Variants in CASD1 observed in about 807,000 individuals in gnomAD.
The protein encoded by CASD1 is N-acetylneuraminate (7)9-O-acetyltransferase.
CASD1 carries 41 observed loss-of-function variants against 100.0 expected under a neutral mutation model. The observed-to-expected ratio is 0.41, with a 90% confidence interval of 0.32 to 0.53. The LOEUF (loss-of-function observed/expected upper bound fraction) is 0.53, where lower values mean the gene tolerates loss of function less well. CASD1 is among the 20% of genes least tolerant of loss of function. The pLI is 0.25. For missense variants in CASD1, 774 were observed against 948.7 expected (o/e 0.82, Z 2.42); for synonymous variants, 321 against 315.6 (o/e 1.02, Z -0.18).
chr7:94,629,732 A>G, the CASD1 span: 1 of 1,611,192 alleles, frequency 6.2e-7, no homozygotes, highest in Non-Finnish European at 8.5e-7. Flanking sequence ...GTTTTGGGTA[A>G]GGTGGAAATT....
intron 3 of CASD1, chr7:94,524,278 A>C (rs1231012508): frequency 6.6e-6 from 1 of 152,156 alleles, no homozygotes; most frequent in Non-Finnish European, 1.5e-5. Context: ...AGATACCTTA[A>C]AGAAAAAAGA....
the CASD1 span, among the ~76,000 whole-genome samples, chr7:94,604,691 T>C: frequency 6.6e-6 from 1 of 150,958 alleles, no homozygotes; most frequent in Admixed American, 6.6e-5. Flanking sequence ...ACATATCCTG[T>C]CCTACCTAAG....
At chr7:94,579,588 C>A in the CASD1 span, among the ~76,000 whole-genome samples, 1 of 151,970 alleles carries the variant, frequency 6.6e-6, no homozygotes, top group Non-Finnish European at 1.5e-5. Context: ...TCAGACTTTC[C>A]CTGATCGTTA....
chr7:94,563,388 T>G, the CASD1 span, among the ~76,000 whole-genome samples: 10 of 152,310 alleles, frequency 6.6e-5, no homozygotes, highest in Non-Finnish European at 1.2e-4. Flanking sequence ...AACAATTTTT[T>G]GGTGGTTTGG....
chr7:94,553,061 A>G (rs6465417), intron 16 of CASD1: 195,720 of 340,694 alleles, frequency 0.57, 58,127 homozygotes, highest in South Asian at 0.72. Flanking sequence ...GCGTTGTACA[A>G]CTTATGCAAT....
chr7:94,555,993 T>G lies in CASD1; in HGVS notation c.*235T>G. The G allele has an allele frequency of 2.6e-6, 1 of 387,308 alleles. No homozygotes were observed. The highest frequency in any genetic ancestry group is 4.6e-6 in the Non-Finnish European group (1 of 218,354). The allele number at this position is 387,308 out of a possible 1,614,324, so 24.0% of individuals were successfully genotyped here. Reference sequence around the variant, plus strand: ...AAAAACCAGAATGCATTGTATAGGATTGCATGTGAAGTCTTTTCTACTGAA... The same window carrying G: ...AAAAACCAGAATGCATTGTATAGGAGTGCATGTGAAGTCTTTTCTACTGAA... On this transcript the variant is annotated 3_prime_UTR_variant, in exon 18 of 18. Coordinates refer to ENST00000297273, the MANE Select transcript of CASD1 (RefSeq NM_022900.5).
intron 3 of CASD1, among the ~76,000 whole-genome samples, chr7:94,519,112 A>G (rs527785827): frequency 1.3e-5 from 2 of 152,184 alleles, no homozygotes; most frequent in Admixed American, 6.5e-5. Flanking sequence ...CAGCAGTGCA[A>G]TAAGTTTCTG....
At chr7:94,525,076 C>T (rs1794489273) in intron 3 of CASD1, among the ~76,000 whole-genome samples, 1 of 151,660 alleles carries the variant, frequency 6.6e-6, no homozygotes, top group Admixed American at 6.6e-5. Context: ...AATGTTATGA[C>T]TTCTTTAATG....
At chr7:94,593,534 G>T in the CASD1 span, among the ~76,000 whole-genome samples, 1 of 151,662 alleles carries the variant, frequency 6.6e-6, no homozygotes, top group Non-Finnish European at 1.5e-5. Flanking sequence ...AAATATTTGG[G>T]ATCCTCCAGT....
chr7:94,571,198 C>T, the CASD1 span, among the ~76,000 whole-genome samples: 1 of 152,126 alleles, frequency 6.6e-6, no homozygotes, highest in African/African-American at 2.4e-5. Context: ...CCCATGCCAC[C>T]ATGCCTGGCT....
At chr7:94,519,906 G>A (rs1794176779) in intron 3 of CASD1, among the ~76,000 whole-genome samples, 1 of 152,112 alleles carries the variant, frequency 6.6e-6, no homozygotes, top group Non-Finnish European at 1.5e-5. Flanking sequence ...TTCGAATAAT[G>A]GATTTGACAA....
intron 16 of CASD1, among the ~76,000 whole-genome samples, 185 bp downstream of exon 16, chr7:94,552,612 T>A (rs181583132): frequency 6.6e-6 from 1 of 152,296 alleles, no homozygotes; most frequent in African/African-American, 2.4e-5. Context: ...TTGTATTTAA[T>A]ATATGGAAAT....
the CASD1 span, chr7:94,625,874 G>A: frequency 6.6e-6 from 1 of 152,038 alleles, no homozygotes; most frequent in Non-Finnish European, 1.5e-5. Context: ...CCTGCCTCCA[G>A]GAGGGCATTT....
At chr7:94,614,106 T>TAAAAAAAAAAAAAAAAAAAAAAAAAAA in the CASD1 span, among the ~76,000 whole-genome samples, 1 of 55,172 alleles carries the variant, frequency 1.8e-5, no homozygotes, top group Non-Finnish European at 3.4e-5. Context: ...CAAATTGAAA[T>TAAAAAAAAAAAAAAAAAAAAAAAAAAA]CAAAAAAAAA....
chr7:94,528,181 C>T lies in CASD1; in HGVS notation c.397-7C>T. 1.9e-6 allele frequency: 3 copies of T among 1,593,650 alleles called. No individual in the cohort carries two copies. The highest frequency in any genetic ancestry group is 1.3e-5 in the African/African-American group (1 of 74,082). On this transcript the variant is annotated splice_polypyrimidine_tract_variant and splice_region_variant and intron_variant, in intron 4 of 17. Coordinates refer to ENST00000297273, the MANE Select transcript of CASD1 (RefSeq NM_022900.5). Reference sequence around the variant, plus strand: ...CTTTTTCTTTACTTCTAACATTTCTCTTTTAGGATTTTCTGTGGCATCCTG... The same window carrying T: ...CTTTTTCTTTACTTCTAACATTTCTTTTTTAGGATTTTCTGTGGCATCCTG...
chr7:94,591,528 G>A, the CASD1 span, among the ~76,000 whole-genome samples: 1 of 152,142 alleles, frequency 6.6e-6, no homozygotes, highest in East Asian at 1.9e-4. Context: ...TCTAACATAG[G>A]TAGTGGTTAG....
At position 94,510,059 on chromosome 7, in the gene CASD1, C is replaced by T; in HGVS notation, c.-26C>T. 1 of 1,490,566 alleles carries T rather than the reference C, an allele frequency of 6.7e-7. No homozygotes were observed. The highest frequency in any genetic ancestry group is 9.0e-7 in the Non-Finnish European group (1 of 1,114,926). The allele number at this position is 1,490,566 out of a possible 1,614,324, so 92.3% of individuals were successfully genotyped here. A position where few individuals can be genotyped will look rare whatever the true frequency, so the allele number is the denominator to read the frequency against. On this transcript the variant is annotated 5_prime_UTR_variant, in exon 1 of 18. Coordinates refer to ENST00000297273, the MANE Select transcript of CASD1 (RefSeq NM_022900.5). The stretch of plus-strand genomic sequence containing the variant: ...GCGGCGCCCCTTTCCCGCTCCGCCG[C>T]GCACTGTTGTCATGGAGGAACCAAG...
rs149101002 is a variant in CASD1 at position 94,533,742 on chromosome 7, T to A, written c.568T>A (p.Ser190Thr). 2,684 of 1,605,464 alleles carry A rather than the reference T, an allele frequency of 1.7e-3. 9 individuals are homozygous for A. Among genetic ancestry groups the A allele is most frequent in the Middle Eastern group, 7.6e-3 (46 of 6,028 alleles). The change falls in exon 7 of 18, where the codon TCC becomes ACC. Residue 190 changes from serine (S) to threonine (T), a missense_variant. By Grantham distance (58) the Ser-to-Thr change is moderately conservative. This residue lies in a region of CASD1 where 453 missense variants were observed against 532.6 expected (regional missense o/e 0.85). Coordinates refer to ENST00000297273, the MANE Select transcript of CASD1 (RefSeq NM_022900.5). ...TTCTCAATATAAAATGAACATCACC[T>A]CCATAGCACCACTTTTAGAAAAATT... The part of the protein sequence containing the change: ...ALSQYKMNIT[S>T]IAPLLEKLAK...
rs759103651 is a variant in CASD1 at position 94,527,184 on chromosome 7, A to T, written c.374A>T (p.Asp125Val). 1 of 1,609,834 alleles carries T rather than the reference A, an allele frequency of 6.2e-7. No homozygotes were observed. The highest frequency in any genetic ancestry group is 8.5e-7 in the Non-Finnish European group (1 of 1,176,566). The change falls in exon 4 of 18, where the codon GAC (aspartate) becomes GTC (valine). Residue 125 changes from aspartate to valine, a missense_variant. Transcript: ENST00000297273. The part of the protein sequence containing the change: ...GNKHENIPFE[D>V]KTASVKVDFL... ...CAGCATGAAAACATTCCTTTTGAAG[A>T]CAAGACTGCATCAGTTAAAGTGGTA...
Sources: gnomAD v4.1 joint callset for allele counts (sites outside exome capture counted in the v4.1 genomes callset) on GRCh38, gnomAD v4.1.1 for gene constraint, gnomAD v4.1.1 regional missense constraint, MANE v1.5 for transcripts, NCBI Gene and HGNC (gene_info 2026-07-23, HGNC 2026-07-21) for gene names.